Variants in CARMIL1 observed in about 807,000 individuals in gnomAD.
CARMIL1 encodes the protein capping protein regulator and myosin 1 linker 1, also known as F-actin-uncapping protein LRRC16A.
Under a neutral mutation model 177.1 loss-of-function variants are expected in CARMIL1, and 90 were observed. The ratio of observed to expected loss-of-function variants is 0.51; its 90% CI spans 0.43 to 0.61. The LOEUF (loss-of-function observed/expected upper bound fraction) is 0.61, where lower values mean the gene tolerates loss of function less well. Among genes scored for constraint, CARMIL1 ranks in the 20% least tolerant of loss-of-function variants. The pLI, the probability that CARMIL1 is intolerant of heterozygous loss-of-function variation, is 0.00. For synonymous variants in CARMIL1, 577 were observed against 606.2 expected, an observed-to-expected ratio of 0.95 and a Z score of 0.71; for missense variants, 1,380 against 1,667.0, an observed-to-expected ratio of 0.83 and a Z score of 3.00.
intron 17 of CARMIL1, among the ~76,000 whole-genome samples, chr6:25,503,267 A>G (rs1036358022): frequency 6.6e-6 from 1 of 152,208 alleles, no homozygotes; most frequent in African/African-American, 2.4e-5. Context: ...CTCCCCACTT[A>G]TAACCTGAAT....
chr6:25,316,423 CTTTT>C (rs36000746), intron 2 of CARMIL1, among the ~76,000 whole-genome samples: 1 of 140,396 alleles, frequency 7.1e-6, no homozygotes, highest in African/African-American at 2.6e-5. Flanking sequence ...TTCCAGAGGG[CTTTT>C]TTTTTTTTTT....
chr6:25,311,435 C>T (rs1340955807), intron 2 of CARMIL1, among the ~76,000 whole-genome samples: 2 of 152,008 alleles, frequency 1.3e-5, no homozygotes, highest in Non-Finnish European at 1.5e-5. Context: ...CTCTAAGGAT[C>T]TCAAAGAGGA....
intron 2 of CARMIL1, among the ~76,000 whole-genome samples, chr6:25,291,521 G>A (rs1418588589): frequency 6.6e-6 from 1 of 152,160 alleles, no homozygotes; most frequent in African/African-American, 2.4e-5. Context: ...TACCTAACTT[G>A]ATTCAGCAGT....
At chr6:25,286,313 G>T (rs967041368) in intron 2 of CARMIL1, among the ~76,000 whole-genome samples, 4 of 152,198 alleles carry the variant, frequency 2.6e-5, no homozygotes, top group African/African-American at 9.7e-5. Flanking sequence ...TTGTTAGTAA[G>T]GATTATGCTT....
chr6:25,566,860 G>A (rs780128437), intron 29 of CARMIL1, among the ~76,000 whole-genome samples: 10 of 152,176 alleles, frequency 6.6e-5, no homozygotes, highest in Non-Finnish European at 1.3e-4. Context: ...ATTAATCTGG[G>A]AGCTATAGAA....
In CARMIL1 at chr6:25,279,695, G is replaced by A. The variant is rs114684174; in HGVS notation, c.-101G>A. On this transcript the variant is annotated 5_prime_UTR_variant, in exon 1 of 37. Coordinates refer to ENST00000329474, the MANE Select transcript of CARMIL1 (RefSeq NM_017640.6). ...TTTTCTTGCCCACTTCCATTTGCAAGCTGCATCTGCCTCTCTAAAAAAATT... is the reference window on the plus strand; with the variant it reads ...TTTTCTTGCCCACTTCCATTTGCAAACTGCATCTGCCTCTCTAAAAAAATT... The A allele has an allele frequency of 1.2e-3, 1,285 of 1,092,528 alleles. 7 individuals carry two copies. The African/African-American group carries it at 0.015, about 13-fold the overall frequency. The allele number at this position is 1,092,528 out of a possible 1,614,324, so 67.7% of individuals were successfully genotyped here.
At chr6:25,368,004 C>A (rs1166439945) in intron 2 of CARMIL1, among the ~76,000 whole-genome samples, 5 of 152,234 alleles carry the variant, frequency 3.3e-5, no homozygotes, top group African/African-American at 9.6e-5. Flanking sequence ...AAGTGATCTG[C>A]CTGCCTTGAC....
intron 11 of CARMIL1, among the ~76,000 whole-genome samples, chr6:25,476,826 C>T (rs1429587755): frequency 6.6e-6 from 1 of 152,054 alleles, no homozygotes; most frequent in Non-Finnish European, 1.5e-5. Flanking sequence ...CGCGGTGGCT[C>T]ACGACTGTAA....
intron 12 of CARMIL1, among the ~76,000 whole-genome samples, chr6:25,483,713 TA>T (rs796678289): frequency 1.1e-4 from 16 of 148,716 alleles, no homozygotes; most frequent in Admixed American, 2.7e-4. Flanking sequence ...GGAGGTAGAT[TA>T]AAAAAAAAAT....
At chr6:25,283,002 A>G (rs1781257965) in intron 1 of CARMIL1, among the ~76,000 whole-genome samples, 1 of 152,232 alleles carries the variant, frequency 6.6e-6, no homozygotes, top group Admixed American at 6.5e-5. Context: ...ATAATACAGA[A>G]TACAGAGGTA....
chr6:25,531,452 T>G (rs1330091456), intron 24 of CARMIL1, among the ~76,000 whole-genome samples: 1 of 152,188 alleles, frequency 6.6e-6, no homozygotes, highest in Middle Eastern at 3.2e-3. Flanking sequence ...ATATTAATGA[T>G]GGTTATTTTA....
intron 2 of CARMIL1, among the ~76,000 whole-genome samples, chr6:25,331,084 A>T (rs183036433): frequency 5.0e-4 from 76 of 152,250 alleles, no homozygotes; most frequent in African/African-American, 1.1e-3. Context: ...GGGAGGAGGC[A>T]CTCAGTATAT....
rs79325081 is a variant in CARMIL1, at chr6:25,592,930, C to T, written c.3007-1485C>T. ...ATATACATTGCAGACACAAATCAAG[C>T]ATCTGACTAAGCTTACTATGAGTTG... On this transcript the variant is annotated intron_variant, in intron 31 of 36. Transcript: ENST00000329474. Among the ~76,000 whole-genome samples the T allele has an allele frequency of 3.2e-3, 481 of 152,300 alleles. 1 individual carries two copies. The highest frequency in any genetic ancestry group is 5.2e-3 in the Non-Finnish European group (355 of 68,020).
At chr6:25,420,043 C>A in intron 2 of CARMIL1, 71 bp from the exon 3 acceptor site, 2 of 1,174,250 alleles carry the variant, frequency 1.7e-6, no homozygotes, top group South Asian at 2.5e-5. Context: ...ATTAAAGTCC[C>A]GTGGAAACAC....
chr6:25,491,728 C>G lies in CARMIL1; in HGVS notation c.1066-4C>G, dbSNP rs755838696. The G allele has an allele frequency of 1.9e-6, 3 of 1,559,554 alleles. No homozygotes were observed. Among genetic ancestry groups the G allele is most frequent in the African/African-American group, 2.7e-5 (2 of 73,156 alleles). ...CTAACATTTATCTTTTATTTTTTTT[C>G]AAGCACATGTATAATTTTTTGGCCC... On this transcript the variant is annotated splice_polypyrimidine_tract_variant and splice_region_variant and intron_variant, in intron 13 of 36. Coordinates refer to ENST00000329474, the MANE Select transcript of CARMIL1 (RefSeq NM_017640.6).
chr6:25,353,194 T>C (rs1364876884), intron 2 of CARMIL1, among the ~76,000 whole-genome samples: 1 of 152,234 alleles, frequency 6.6e-6, no homozygotes, highest in East Asian at 1.9e-4. Context: ...ATGATATCTA[T>C]AATTGTAATA....
chr6:25,483,119 T>G (rs150854956), intron 12 of CARMIL1, among the ~76,000 whole-genome samples: 2 of 152,224 alleles, frequency 1.3e-5, no homozygotes, highest in Non-Finnish European at 2.9e-5. Context: ...GTAACATTAT[T>G]GCATAAATAT....
chr6:25,544,940 C>T (rs1247633094), intron 26 of CARMIL1, among the ~76,000 whole-genome samples: 1 of 152,088 alleles, frequency 6.6e-6, no homozygotes, highest in African/African-American at 2.4e-5. Flanking sequence ...TACACATTAA[C>T]CACATGTAGC....
intron 2 of CARMIL1, among the ~76,000 whole-genome samples, chr6:25,350,300 G>T (rs73383404): frequency 0.01 from 1,584 of 152,272 alleles, 27 homozygotes; most frequent in African/African-American, 0.036. Context: ...CATTTGCTTT[G>T]TAGTCCCTTC....
Sources: allele counts gnomAD v4.1 joint callset (sites outside exome capture counted in the v4.1 genomes callset), GRCh38; gene constraint gnomAD v4.1.1; transcripts MANE v1.5; gene names NCBI Gene and HGNC (gene_info 2026-07-23, HGNC 2026-07-21).